The following MDGA2 variants were observed in gnomAD, a reference collection of about 807,000 sequenced individuals.
The protein encoded by MDGA2 is MAM domain containing glycosylphosphatidylinositol anchor 2.
MDGA2 carries 40 observed loss-of-function variants against 117.8 expected under a neutral mutation model. The ratio of observed to expected loss-of-function variants is 0.34; its 90% CI spans 0.26 to 0.44. MDGA2 has a LOEUF of 0.44. MDGA2 is among the 20% of genes least tolerant of loss of function. The pLI, the probability that MDGA2 is intolerant of heterozygous loss-of-function variation, is 1.00. For synonymous variants in MDGA2, 452 were observed against 439.0 expected (o/e 1.03, Z -0.37); for missense variants, 1,123 against 1,250.6 (o/e 0.90, Z 1.54).
At chr14:47,493,935 C>G (rs1301047326) in intron 1 of MDGA2, among the ~76,000 whole-genome samples, 1 of 151,964 alleles carries the variant, frequency 6.6e-6, no homozygotes, top group Non-Finnish European at 1.5e-5. Flanking sequence ...GAATTATAAC[C>G]CGAATTGTAA....
At position 47,074,719 on chromosome 14, in the gene MDGA2, A is replaced by G. The variant is rs367833836; in HGVS notation, c.1196-13141T>C. On this transcript the variant is annotated intron_variant, in intron 6 of 16. Transcript: ENST00000399232. The stretch of plus-strand genomic sequence containing the variant: ...CCTTTTGTTTATAGCTCCCAGACCA[A>G]TTATACTTCCATTTCCTTTGTCCTG... Among the ~76,000 whole-genome samples the G allele has an allele frequency of 8.2e-4, 125 of 152,308 alleles. 2 individuals are homozygous for G. The South Asian group carries it at 0.025, about 31-fold the overall frequency.
Position 46,874,032 on chromosome 14 carries a change from C to T in MDGA2, c.2593+13G>A, listed in dbSNP as rs749755849. ...TCTGATTGCTATGAACACAAAAGGT[C>T]ATACCCCCATACCTTCTTTGGAGCC... On this transcript the variant is annotated intron_variant, in intron 13 of 16. Transcript: ENST00000399232. 1.2e-5 allele frequency: 19 copies of T among 1,528,242 alleles called. No homozygotes were observed. In the South Asian group the frequency reaches 2.2e-4, roughly 17 times the overall value. The allele number at this position is 1,528,242 out of a possible 1,614,324, so 94.7% of individuals were successfully genotyped here.
intron 1 of MDGA2, among the ~76,000 whole-genome samples, chr14:47,632,001 T>A (rs1897255146): frequency 6.6e-6 from 1 of 152,074 alleles, no homozygotes; most frequent in South Asian, 2.1e-4. Flanking sequence ...AGATGAAGGT[T>A]CTTCTTCCAA....
rs373283455 is a variant in MDGA2, at chr14:46,978,652, T to G, written c.1820-21009A>C. Among the ~76,000 whole-genome samples the G allele has an allele frequency of 7.9e-5, 12 of 152,232 alleles. No individual in the cohort carries two copies. In the East Asian group the frequency reaches 1.3e-3, roughly 17 times the overall value. On this transcript the variant is annotated intron_variant, in intron 8 of 16. Transcript: ENST00000399232. ...AAGTTTCAGCTTTTGGAGATTATTG[T>G]TGTTAACAGGAAAAAGACTGTTATC...
chr14:47,037,343 G>A (rs1888890838), intron 7 of MDGA2, among the ~76,000 whole-genome samples: 1 of 152,130 alleles, frequency 6.6e-6, no homozygotes, highest in Non-Finnish European at 1.5e-5. Context: ...GAGAATAACA[G>A]ATAATAAATA....
intron 6 of MDGA2, among the ~76,000 whole-genome samples, 166 bp downstream of exon 6, chr14:47,096,688 T>C (rs1879988630): frequency 6.6e-6 from 1 of 152,088 alleles, no homozygotes; most frequent in African/African-American, 2.4e-5. Flanking sequence ...CTTTAACCTG[T>C]TTAAGTTCCA....
At chr14:47,105,577 G>A (rs867661599) in intron 5 of MDGA2, among the ~76,000 whole-genome samples, 21 of 152,104 alleles carry the variant, frequency 1.4e-4, no homozygotes, top group Middle Eastern at 3.4e-3. Flanking sequence ...CTCGACAGTA[G>A]TTCCAAATAG....
At chr14:47,352,635 G>A (rs1460932672) in intron 1 of MDGA2, among the ~76,000 whole-genome samples, 1 of 152,126 alleles carries the variant, frequency 6.6e-6, no homozygotes, top group Non-Finnish European at 1.5e-5. Context: ...AAAAAACATG[G>A]CATAATATTT....
intron 1 of MDGA2, among the ~76,000 whole-genome samples, chr14:47,377,702 C>T (rs1485633944): frequency 2.0e-5 from 3 of 152,080 alleles, no homozygotes; most frequent in East Asian, 3.9e-4. Context: ...AGTAGGTAAA[C>T]AAAGCAACCA....
intron 2 of MDGA2, among the ~76,000 whole-genome samples, chr14:47,225,371 T>C (rs1328671237): frequency 2.6e-5 from 4 of 151,636 alleles, no homozygotes; most frequent in Admixed American, 6.6e-5. Flanking sequence ...CGTATGTTTA[T>C]TGCGGCACTA....
chr14:47,202,728 A>C (rs1020863920), intron 3 of MDGA2, among the ~76,000 whole-genome samples: 3 of 152,228 alleles, frequency 2.0e-5, no homozygotes, highest in Admixed American at 1.3e-4. Flanking sequence ...AAATATCTGA[A>C]TTATAAAAAT....
chr14:47,130,890 A>G (rs1312903058), intron 5 of MDGA2, among the ~76,000 whole-genome samples: 1 of 152,116 alleles, frequency 6.6e-6, no homozygotes, highest in Non-Finnish European at 1.5e-5. Flanking sequence ...ATAGTTACTT[A>G]AAAGTAAAAA....
intron 1 of MDGA2, among the ~76,000 whole-genome samples, chr14:47,547,859 G>T (rs1379638868): frequency 6.6e-6 from 1 of 152,058 alleles, no homozygotes; most frequent in Non-Finnish European, 1.5e-5. Flanking sequence ...TTTAGATGTG[G>T]TTGTTATTAT....
At chr14:47,523,444 T>C (rs1894910417) in intron 1 of MDGA2, among the ~76,000 whole-genome samples, 1 of 152,244 alleles carries the variant, frequency 6.6e-6, no homozygotes, top group East Asian at 1.9e-4. Flanking sequence ...CTTAGTTCTA[T>C]GTGTTAGTAT....
At chr14:47,130,605 T>C (rs576693906) in intron 5 of MDGA2, among the ~76,000 whole-genome samples, 4 of 152,236 alleles carry the variant, frequency 2.6e-5, no homozygotes, top group Non-Finnish European at 5.9e-5. Flanking sequence ...AATCTTTTTA[T>C]CAACTGAGTT....
chr14:47,105,312 T>A (rs1880591427), intron 5 of MDGA2, among the ~76,000 whole-genome samples: 2 of 152,070 alleles, frequency 1.3e-5, no homozygotes, highest in African/African-American at 4.8e-5. Flanking sequence ...CTTATCTCTG[T>A]GCCCCAATCC....
chr14:47,041,983 T>C (rs952287260), intron 7 of MDGA2, among the ~76,000 whole-genome samples: 1 of 151,968 alleles, frequency 6.6e-6, no homozygotes, highest in Non-Finnish European at 1.5e-5. Context: ...CATAAGAAGC[T>C]CAGTAATAAA....
intron 2 of MDGA2, among the ~76,000 whole-genome samples, chr14:47,220,353 T>C (rs1886254682): frequency 6.6e-6 from 1 of 152,144 alleles, no homozygotes; most frequent in Non-Finnish European, 1.5e-5. Context: ...CACTCCCTAA[T>C]GTTGTCTTTC....
intron 1 of MDGA2, among the ~76,000 whole-genome samples, chr14:47,365,872 G>C (rs1362384715): frequency 6.6e-6 from 1 of 152,048 alleles, no homozygotes; most frequent in Non-Finnish European, 1.5e-5. Context: ...CCATGCCAAG[G>C]CATATTCATT....
Sources: allele counts gnomAD v4.1 joint callset (sites outside exome capture counted in the v4.1 genomes callset), GRCh38; gene constraint gnomAD v4.1.1; transcripts MANE v1.5; gene names NCBI Gene and HGNC (gene_info 2026-07-23, HGNC 2026-07-21).